The following CHD2 variants were observed in gnomAD, a reference collection of about 807,000 sequenced individuals.
CHD2 encodes ATP-dependent chromatin remodeler CHD2.
Under a neutral mutation model 243.9 loss-of-function variants are expected in CHD2, and 28 were observed. The observed-to-expected ratio is 0.11, with a 90% CI of 0.09 to 0.16. The LOEUF is 0.16. Ranked by LOEUF, CHD2 falls within the 10% of genes least tolerant of loss-of-function variation. The pLI, the probability that CHD2 is intolerant of heterozygous loss-of-function variation, is 1.00. For synonymous variants in CHD2, 775 were observed against 779.0 expected, an observed-to-expected ratio of 0.99 and a Z score of 0.09; for missense variants, 1,386 against 2,209.8, an observed-to-expected ratio of 0.63 and a Z score of 7.47.
At chr15:92,959,861 C>G (rs902116734) in intron 16 of CHD2, among the ~76,000 whole-genome samples, 5 of 152,242 alleles carry the variant, frequency 3.3e-5, no homozygotes, top group South Asian at 2.1e-4. Flanking sequence ...TTTGGTTATT[C>G]TAGAATTCTT....
chr15:92,987,984 A>G (rs547384559), intron 26 of CHD2, among the ~76,000 whole-genome samples: 6 of 152,308 alleles, frequency 3.9e-5, no homozygotes, highest in African/African-American at 2.4e-5. Context: ...GTTATAGCTC[A>G]CCATCCCCAT....
intron 23 of CHD2, 75 bp downstream of exon 23, chr15:92,980,986 T>G: frequency 1.0e-6 from 1 of 996,332 alleles, no homozygotes; most frequent in Non-Finnish European, 1.6e-6. Flanking sequence ...TGTAAGAAGA[T>G]TCTGTTAGAG....
chr15:92,989,758 A>T (rs965516996), intron 26 of CHD2, among the ~76,000 whole-genome samples: 1 of 152,182 alleles, frequency 6.6e-6, no homozygotes, highest in Admixed American at 6.5e-5. Context: ...CAGACAAATG[A>T]CAGTGACTCT....
intron 2 of CHD2, among the ~76,000 whole-genome samples, chr15:92,913,868 C>G (rs2052787005): frequency 6.6e-6 from 1 of 151,964 alleles, no homozygotes; most frequent in Non-Finnish European, 1.5e-5. Flanking sequence ...AACAAAAACC[C>G]TATGATTGAG....
At chr15:93,007,653 T>C (rs1050036453) in intron 34 of CHD2, among the ~76,000 whole-genome samples, 6 of 152,208 alleles carry the variant, frequency 3.9e-5, no homozygotes, top group African/African-American at 1.4e-4. Context: ...CTGACAACCA[T>C]GTCCCTACAC....
At chr15:92,962,327 C>T (rs1209821595) in intron 16 of CHD2, among the ~76,000 whole-genome samples, 1 of 152,120 alleles carries the variant, frequency 6.6e-6, no homozygotes, top group Non-Finnish European at 1.5e-5. Flanking sequence ...ATGTTTACTT[C>T]TATGCACTGC....
At chr15:92,931,855 C>T (rs960383995) in intron 5 of CHD2, among the ~76,000 whole-genome samples, 2 of 149,564 alleles carry the variant, frequency 1.3e-5, no homozygotes, top group African/African-American at 4.9e-5. Context: ...TAAAACATTG[C>T]TGACGTACTT....
intron 2 of CHD2, chr15:92,902,704 G>GT (rs1344539684): frequency 2.6e-5 from 4 of 152,062 alleles, no homozygotes; most frequent in Non-Finnish European, 5.9e-5. Context: ...ATCCTAAGCT[G>GT]TTTTTTTCTG....
Position 92,984,492 on chromosome 15 carries a change from A to G in CHD2, c.3229A>G (p.Thr1077Ala), listed in dbSNP as rs1254179912. 6.2e-7 allele frequency: 1 copy of G among 1,609,752 alleles called. No homozygotes were observed. The highest frequency in any genetic ancestry group is 1.7e-5 in the Admixed American group (1 of 59,384). Reference sequence around the variant, plus strand: ...TATGCTGCCTCGAATTCGGAGTTCCACTAAAAAGGTGATCAAGTGAGATGA... The same window carrying G: ...TATGCTGCCTCGAATTCGGAGTTCCGCTAAAAAGGTGATCAAGTGAGATGA... The part of the protein sequence containing the change: ...IYMLPRIRSS[T>A]KKAQTNDSDS... Residue 1077 changes from threonine (T) to alanine (A), a missense_variant, in exon 25 of 39, where the codon ACT (threonine) becomes GCT (alanine). Physicochemically the swap from Thr to Ala is moderately conservative, Grantham distance 58 (BLOSUM62 0). Around this residue, in one of 19 missense-constraint regions of CHD2, gnomAD observed 99 missense variants for 206.4 expected, o/e 0.48. Transcript: ENST00000394196.
intron 2 of CHD2, among the ~76,000 whole-genome samples, chr15:92,924,080 A>G (rs2053012168): frequency 6.6e-6 from 1 of 152,208 alleles, no homozygotes; most frequent in Admixed American, 6.5e-5. Flanking sequence ...GAGCCTGTCC[A>G]TAGAAATAAC....
At chr15:92,944,278 ATTACTAGT>A (rs960750395) in intron 9 of CHD2, 129 bp from the exon 10 acceptor site, 1 of 499,262 alleles carries the variant, frequency 2.0e-6, no homozygotes, top group African/African-American at 1.9e-5. Flanking sequence ...CTCTGGCGTA[ATTACTAGT>A]AAAGATTACT....
At chr15:93,003,697 C>T (rs1417692838) in intron 33 of CHD2, among the ~76,000 whole-genome samples, 1 of 151,388 alleles carries the variant, frequency 6.6e-6, no homozygotes, top group Non-Finnish European at 1.5e-5. Flanking sequence ...TTTTATTACT[C>T]TTCCTCTGTT....
At chr15:92,904,350 C>T (rs1596362166) in intron 2 of CHD2, 2 of 717,994 alleles carry the variant, frequency 2.8e-6, no homozygotes, top group African/African-American at 3.9e-5. Context: ...ACAGCAGGGT[C>T]AACGGCGGCG....
chr15:93,010,892 A>G (rs1022437739), intron 35 of CHD2, among the ~76,000 whole-genome samples: 1 of 152,236 alleles, frequency 6.6e-6, no homozygotes, highest in Non-Finnish European at 1.5e-5. Flanking sequence ...TTATCTTTGT[A>G]TAATATGTCC....
rs562080554 is a variant in CHD2, at chr15:92,942,511, C to T, written c.827-332C>T. 1.1e-3 allele frequency among the ~76,000 whole-genome samples: 160 copies of T among 149,228 alleles called. 1 individual carries two copies. Among genetic ancestry groups the T allele is most frequent in the Non-Finnish European group, 2.0e-3 (133 of 67,640 alleles). On this transcript the variant is annotated intron_variant, in intron 8 of 38. Coordinates refer to ENST00000394196, the MANE Select transcript of CHD2 (RefSeq NM_001271.4). ...GGAGGAGGATATTTTGGTGTTCTAT[C>T]CTTAGTCTTGGAGAGAGGGATTTGT...
rs143503275 is a variant in CHD2 at position 93,000,528 on chromosome 15, G to T, written c.4025G>T (p.Arg1342Leu). 6.2e-7 allele frequency: 1 copy of T among 1,609,488 alleles called. No homozygotes were observed. Among genetic ancestry groups the T allele is most frequent in the Non-Finnish European group, 8.5e-7 (1 of 1,178,020 alleles). The stretch of plus-strand genomic sequence containing the variant: ...CTTTTCCAGGCCAAATTAAAGAAGC[G>T]GAAGCCTCGGGTAAAGAAGGAAAAC... ...TGGEEAKLKKRKPRVKKENKV... is the reference protein window; with the variant it reads ...TGGEEAKLKKLKPRVKKENKV... Residue 1342 changes from arginine to leucine, a missense_variant, in exon 32 of 39, where the codon CGG (arginine) becomes CTG (leucine). Arg to Leu is a moderately radical substitution (Grantham distance 102). Around this residue, in one of 19 missense-constraint regions of CHD2, gnomAD observed 125 missense variants for 128.9 expected, o/e 0.97. Transcript: ENST00000394196.
intron 2 of CHD2, among the ~76,000 whole-genome samples, chr15:92,907,161 T>A (rs187569415): frequency 8.5e-5 from 13 of 152,360 alleles, no homozygotes; most frequent in South Asian, 4.1e-4. Context: ...AAAAAGCTCC[T>A]ATATACTGAA....
intron 33 of CHD2, among the ~76,000 whole-genome samples, chr15:93,002,862 C>CCCT (rs2054274706): frequency 6.6e-6 from 1 of 152,188 alleles, no homozygotes; most frequent in African/African-American, 2.4e-5. Context: ...TGCCAAAACA[C>CCCT]AAACAACTGC....
intron 13 of CHD2, among the ~76,000 whole-genome samples, chr15:92,952,546 T>C (rs924786306): frequency 1.9e-4 from 29 of 152,164 alleles, no homozygotes; most frequent in African/African-American, 6.0e-4. Context: ...ATCCCTCACA[T>C]GTGTAGTTCA....
Sources: gnomAD v4.1 joint callset for allele counts (sites outside exome capture counted in the v4.1 genomes callset) on GRCh38, gnomAD v4.1.1 for gene constraint, gnomAD v4.1.1 regional missense constraint, MANE v1.5 for transcripts, NCBI Gene and HGNC (gene_info 2026-07-23, HGNC 2026-07-21) for gene names.